LGI4: variants seen among roughly 807,000 people sequenced by gnomAD.
LGI4 encodes the protein leucine rich repeat LGI family member 4.
Under a neutral mutation model 48.3 loss-of-function variants are expected in LGI4, and 36 were observed. That is an observed-to-expected ratio of 0.75 (90% CI 0.57 to 0.98). The LOEUF is 0.98. Among genes scored for constraint, LGI4 ranks in the 50% least tolerant of loss-of-function variants. LGI4 has a pLI of 0.00. For synonymous variants in LGI4, 355 were observed against 331.6 expected (o/e 1.07, Z -0.77); for missense variants, 701 against 732.1 (o/e 0.96, Z 0.49).
chr19:35,133,732 T>C lies in LGI4; in HGVS notation c.275A>G (p.Glu92Gly). The change falls in exon 3 of 9, where the codon GAG (glutamate) becomes GGG (glycine). Residue 92 changes from glutamate (E) to glycine (G), a missense_variant. Coordinates refer to ENST00000310123, the MANE Select transcript of LGI4 (RefSeq NM_139284.3). The stretch of plus-strand genomic sequence containing the variant: ...GGACAGGCCCGCAAATGCATCGTCC[T>C]CAATCACGGAGAAGGAGTTGGAGGT... ...LFTSNSFSVI[E>G]DDAFAGLSHL... 6.2e-7 allele frequency: 1 copy of C among 1,609,706 alleles called. No individual in the cohort carries two copies. Among genetic ancestry groups the C allele is most frequent in the Non-Finnish European group, 8.5e-7 (1 of 1,178,428 alleles).
At chr19:35,129,354 G>A (rs1309539534) in intron 6 of LGI4, among the ~76,000 whole-genome samples, 1 of 151,540 alleles carries the variant, frequency 6.6e-6, no homozygotes, top group African/African-American at 2.4e-5. Context: ...TATACATGTT[G>A]TGGGGGAAAG....
At chr19:35,134,245 C>A in intron 1 of LGI4, 141 bp from the exon 2 acceptor site, 1 of 836,694 alleles carries the variant, frequency 1.2e-6, no homozygotes, top group South Asian at 1.6e-5. Flanking sequence ...AGGAGGCAGG[C>A]ATTTGCCCTC....
chr19:35,125,305 G>T lies in LGI4; in HGVS notation c.1502C>A (p.Ala501Asp), dbSNP rs780315630. 2 of 1,611,322 alleles carry T rather than the reference G, an allele frequency of 1.2e-6. No homozygotes were observed. The highest frequency in any genetic ancestry group is 1.7e-5 in the Admixed American group (1 of 59,590). The change falls in exon 9 of 9, where the codon GCC (alanine) becomes GAC (aspartate). Residue 501 changes from alanine to aspartate, a missense_variant. Around this residue, in one of 3 missense-constraint regions of LGI4, gnomAD observed 223 missense variants for 263.3 expected, o/e 0.85. Coordinates refer to ENST00000310123, the MANE Select transcript of LGI4 (RefSeq NM_139284.3). ...LQELGPPALV[A>D]PRAFAHITMA... ...AGTGATGTGGGCAAAGGCACGGGGG[G>T]CCACCAGGGCCGGAGGCCCCAGCTC...
At position 35,134,498 on chromosome 19, in the gene LGI4, G is replaced by C. The variant is rs377570618; in HGVS notation, c.170+13C>G. ...GTCCCCACCTTCGGGCATGCAGAAG[G>C]CTGGACACTCACAGTGACAGCAGGG... On this transcript the variant is annotated intron_variant, in intron 1 of 8. Transcript: ENST00000310123. 6.4e-7 allele frequency: 1 copy of C among 1,571,710 alleles called. No individual in the cohort carries two copies. The highest frequency in any genetic ancestry group is 8.6e-7 in the Non-Finnish European group (1 of 1,158,350).
intron 6 of LGI4, 107 bp from the exon 7 acceptor site, chr19:35,127,124 C>T (rs2065146068): frequency 2.7e-6 from 3 of 1,130,830 alleles, no homozygotes; most frequent in East Asian, 5.0e-5. Flanking sequence ...ATGGTACCCC[C>T]CTCATAGGGA....
chr19:35,131,641 C>A (rs1448737813), intron 5 of LGI4, 86 bp from the exon 6 acceptor site: 2 of 1,493,276 alleles, frequency 1.3e-6, no homozygotes, highest in Non-Finnish European at 1.8e-6. Flanking sequence ...GCAAGTGTCC[C>A]CAGAGATGGG....
At position 35,126,519 on chromosome 19, in the gene LGI4, G is replaced by C. The variant is rs1276073263; in HGVS notation, c.1050C>G (p.Pro350=). 1 of 1,546,042 alleles carries C rather than the reference G, an allele frequency of 6.5e-7. No homozygotes were observed. The highest frequency in any genetic ancestry group is 8.7e-7 in the Non-Finnish European group (1 of 1,150,550). Residue 350 remains proline, a synonymous_variant, in exon 8 of 9, where the codon CCC becomes CCG. Transcript: ENST00000310123. ...GCAGGCTCTGGTGCGGGTAAAAGCCGGGCCCGTCGCGGCACAGCAGCGTGG... is the reference window on the plus strand; with the variant it reads ...GCAGGCTCTGGTGCGGGTAAAAGCCCGGCCCGTCGCGGCACAGCAGCGTGG... The part of the protein sequence containing the change: ...GSTTLLCRDG[P]GFYPHQSLHA...
intron 6 of LGI4, among the ~76,000 whole-genome samples, chr19:35,128,609 G>A (rs1376639562): frequency 6.6e-6 from 1 of 152,176 alleles, no homozygotes; most frequent in African/African-American, 2.4e-5. Flanking sequence ...TACCAGGGAG[G>A]CTGGGGCAGG....
At chr19:35,132,218 A>G (rs971195775) in intron 3 of LGI4, among the ~76,000 whole-genome samples, 176 bp from the exon 4 acceptor site, 6 of 152,100 alleles carry the variant, frequency 3.9e-5, no homozygotes, top group Admixed American at 3.9e-4. Context: ...TCTAGGAGCC[A>G]TGAAACTGGC....
At chr19:35,126,183 T>G in intron 8 of LGI4, 87 bp downstream of exon 8, 1 of 1,432,204 alleles carries the variant, frequency 7.0e-7, no homozygotes, top group Non-Finnish European at 9.6e-7. Flanking sequence ...GGTCGGCATG[T>G]GAGGGTAGGT....
intron 3 of LGI4, among the ~76,000 whole-genome samples, chr19:35,132,345 C>T (rs2065181497): frequency 1.3e-5 from 2 of 152,006 alleles, no homozygotes; most frequent in Non-Finnish European, 1.5e-5. Context: ...TAATGACCAA[C>T]ACCAATGCCA....
At position 35,134,038 on chromosome 19, in the gene LGI4, G is replaced by A; in HGVS notation, c.237C>T (p.His79=). 1 of 1,560,580 alleles carries A rather than the reference G, an allele frequency of 6.4e-7. No individual in the cohort carries two copies. The highest frequency in any genetic ancestry group is 8.7e-7 in the Non-Finnish European group (1 of 1,151,740). ...AGSFLRIPSL[H]LLLFTSNSFS... ...CCCAGCCAGGCCCCACTCACAGCAG[G>A]TGCAGAGACGGAATTCTCAGGAAGC... Residue 79 remains histidine, a synonymous_variant, in exon 2 of 9, where the codon CAC becomes CAT. Transcript: ENST00000310123.
chr19:35,126,598 C>G lies in LGI4; in HGVS notation c.971G>C (p.Trp324Ser), dbSNP rs1446797128. 1 of 1,542,076 alleles carries G rather than the reference C, an allele frequency of 6.5e-7. No individual in the cohort carries two copies. Among genetic ancestry groups the G allele is most frequent in the Admixed American group, 2.0e-5 (1 of 51,150 alleles). Residue 324 changes from tryptophan (W) to serine (S), a missense_variant, in exon 8 of 9, where the codon TGG becomes TCG. Trp to Ser is a radical substitution (Grantham distance 177, BLOSUM62 -3). This residue lies in a region of LGI4 where 462 missense variants were observed against 436.4 expected (regional missense o/e 1.06). Coordinates refer to ENST00000310123, the MANE Select transcript of LGI4 (RefSeq NM_139284.3). ...LLRPNDAELL[W>S]LEGQPCFVVA... The stretch of plus-strand genomic sequence containing the variant: ...CACGAAGCAGGGTTGCCCTTCCAGC[C>G]ACAGGAGCTCGGCGTCATTGGGCCG...
In LGI4 at chr19:35,125,251, G is replaced by A; in HGVS notation, c.1556C>T (p.Ala519Val). Residue 519 changes from alanine to valine, a missense_variant, in exon 9 of 9, where the codon GCT (alanine) becomes GTT (valine). Ala to Val is a moderately conservative substitution (Grantham distance 64). Coordinates refer to ENST00000310123, the MANE Select transcript of LGI4 (RefSeq NM_139284.3). ...TMAGRRFLFAACFKGPTQIYQ... is the reference protein window; with the variant it reads ...TMAGRRFLFAVCFKGPTQIYQ... ...GATCTGTGTGGGGCCCTTAAAGCAA[G>A]CAGCAAAGAGGAAGCGTCTGCCGGC... The A allele has an allele frequency of 6.3e-7, 1 of 1,587,586 alleles. No homozygotes were observed. Among genetic ancestry groups the A allele is most frequent in the Admixed American group, 1.8e-5 (1 of 55,554 alleles).
chr19:35,126,922 C>A lies in LGI4; in HGVS notation c.724G>T (p.Ala242Ser). The change falls in exon 7 of 9, where the codon GCC becomes TCC. Residue 242 changes from alanine (A) to serine (S), a missense_variant. By Grantham distance (99) the Ala-to-Ser change is moderately conservative (BLOSUM62 1). This residue lies in a region of LGI4 where 462 missense variants were observed against 436.4 expected (regional missense o/e 1.06). Coordinates refer to ENST00000310123, the MANE Select transcript of LGI4 (RefSeq NM_139284.3). ...CAGGAGAGAATCAGGCAGCGGCCGG[C>A]GAAGGGCTGTGCCAGCACAATGTGA... ...EPHIVLAQPF[A>S]GRCLILSWDY... The A allele has an allele frequency of 1.9e-6, 3 of 1,613,608 alleles. No individual in the cohort carries two copies. Among genetic ancestry groups the A allele is most frequent in the Non-Finnish European group, 1.7e-6 (2 of 1,179,942 alleles).
At chr19:35,131,765 A>G in intron 5 of LGI4, 24 bp downstream of exon 5, 1 of 1,492,306 alleles carries the variant, frequency 6.7e-7, no homozygotes. Flanking sequence ...AACCCCCCAC[A>G]TTCCCAGCCC....
intron 5 of LGI4, 54 bp from the exon 6 acceptor site, chr19:35,131,609 C>A: frequency 6.6e-7 from 1 of 1,523,698 alleles, no homozygotes. Context: ...CCCTGGGGGC[C>A]ATGCTCCTGC....
chr19:35,129,833 G>A (rs1195000780), intron 6 of LGI4, among the ~76,000 whole-genome samples: 2 of 152,108 alleles, frequency 1.3e-5, no homozygotes, highest in African/African-American at 4.8e-5. Context: ...GTTGAGATTA[G>A]AGGAAGGCAT....
Position 35,134,036 on chromosome 19 carries a change from A to C in LGI4, c.239T>G (p.Leu80Arg), listed in dbSNP as rs1161203021. The change falls in exon 2 of 9, where the codon CTG (leucine) becomes CGG (arginine). Residue 80 changes from leucine to arginine, a missense_variant. Transcript: ENST00000310123. The part of the protein sequence containing the change: ...GSFLRIPSLH[L>R]LLFTSNSFSV... ...GGCCCAGCCAGGCCCCACTCACAGCAGGTGCAGAGACGGAATTCTCAGGAA... is the reference window on the plus strand; with the variant it reads ...GGCCCAGCCAGGCCCCACTCACAGCCGGTGCAGAGACGGAATTCTCAGGAA... 1 of 1,560,164 alleles carries C rather than the reference A, an allele frequency of 6.4e-7. No homozygotes were observed. Among genetic ancestry groups the C allele is most frequent in the East Asian group, 2.4e-5 (1 of 41,790 alleles).
Sources: gnomAD v4.1 joint callset for allele counts (sites outside exome capture counted in the v4.1 genomes callset) on GRCh38, gnomAD v4.1.1 for gene constraint, gnomAD v4.1.1 regional missense constraint, MANE v1.5 for transcripts, NCBI Gene and HGNC (gene_info 2026-07-23, HGNC 2026-07-21) for gene names.